Variants in KAT6B observed in about 807,000 individuals in gnomAD.
KAT6B encodes histone acetyltransferase KAT6B.
A neutral mutation model predicts 187.5 loss-of-function variants in KAT6B; 10 were observed. The observed-to-expected ratio is 0.05, with a 90% CI of 0.03 to 0.09. The LOEUF (loss-of-function observed/expected upper bound fraction) is 0.09, where lower values mean the gene tolerates loss of function less well. Ranked by LOEUF, KAT6B falls within the 10% of genes least tolerant of loss-of-function variation. The probability of loss-of-function intolerance (pLI) is 1.00; values close to 1 mark genes in which losing one functional copy is unlikely to be tolerated. For missense variants in KAT6B, 1,952 were observed against 2,558.9 expected, an observed-to-expected ratio of 0.76 and a Z score of 5.12; for synonymous variants, 861 against 926.8, an observed-to-expected ratio of 0.93 and a Z score of 1.29.
At chr10:74,830,370 A>G (rs1589428698) in intron 1 of KAT6B, among the ~76,000 whole-genome samples, 1 of 152,094 alleles carries the variant, frequency 6.6e-6, no homozygotes, top group Non-Finnish European at 1.5e-5. Flanking sequence ...TCTGGTGCCC[A>G]TGTGCACAAG....
chr10:74,942,666 G>A (rs769204868), intron 3 of KAT6B, among the ~76,000 whole-genome samples: 5 of 145,534 alleles, frequency 3.4e-5, no homozygotes, highest in Admixed American at 7.1e-5. Context: ...TCGGGAGGCC[G>A]ATTCAGGAGA....
At chr10:74,953,437 C>T (rs557174991) in intron 3 of KAT6B, among the ~76,000 whole-genome samples, 17 of 152,132 alleles carry the variant, frequency 1.1e-4, no homozygotes, top group Non-Finnish European at 1.8e-4. Context: ...CTTTAACAAC[C>T]CGAGAGCTAG....
At chr10:74,950,911 G>A (rs1002175646) in intron 3 of KAT6B, among the ~76,000 whole-genome samples, 28 of 151,900 alleles carry the variant, frequency 1.8e-4, no homozygotes, top group Non-Finnish European at 3.1e-4. Flanking sequence ...CCAGGCGTTC[G>A]AGATCAGCCT....
intron 4 of KAT6B, among the ~76,000 whole-genome samples, chr10:74,963,862 G>A (rs140539308): frequency 0.011 from 1,733 of 152,142 alleles, 39 homozygotes; most frequent in African/African-American, 0.04. Context: ...TGTGGCTCAC[G>A]CCTGTAGTCC....
At chr10:74,851,811 T>C (rs1463484358) in intron 3 of KAT6B, among the ~76,000 whole-genome samples, 1 of 152,216 alleles carries the variant, frequency 6.6e-6, no homozygotes, top group Non-Finnish European at 1.5e-5. Context: ...TTTCTACAAA[T>C]AGAAGATAAA....
chr10:74,976,382 C>T (rs1482675309), intron 8 of KAT6B, 52 bp downstream of exon 8: 14 of 1,470,212 alleles, frequency 9.5e-6, no homozygotes, highest in Non-Finnish European at 1.3e-5. Flanking sequence ...CCCTTTCTCC[C>T]CAACCCTGAA....
At chr10:74,863,055 G>T (rs1465995725) in intron 3 of KAT6B, among the ~76,000 whole-genome samples, 2 of 152,182 alleles carry the variant, frequency 1.3e-5, no homozygotes, top group Non-Finnish European at 2.9e-5. Flanking sequence ...CAGAAAAGGA[G>T]TCTATTATTT....
At chr10:74,953,345 T>A (rs1840449180) in intron 3 of KAT6B, among the ~76,000 whole-genome samples, 1 of 152,208 alleles carries the variant, frequency 6.6e-6, no homozygotes, top group Non-Finnish European at 1.5e-5. Context: ...TATAGCCAAA[T>A]AAAATTTTGC....
chr10:74,844,364 A>G (rs1841956997), intron 3 of KAT6B, among the ~76,000 whole-genome samples: 1 of 152,072 alleles, frequency 6.6e-6, no homozygotes, highest in Non-Finnish European at 1.5e-5. Flanking sequence ...ATGCCCAGCT[A>G]ATTTTTGTAT....
In KAT6B at chr10:75,030,474, C is replaced by T. The variant is rs761472261; in HGVS notation, c.5650C>T (p.Leu1884=). The T allele has an allele frequency of 3.7e-6, 6 of 1,613,172 alleles. No individual in the cohort carries two copies. The highest frequency in any genetic ancestry group is 1.7e-5 in the Admixed American group (1 of 60,022). ...AGCTACCATGACCCCACCCCCCAAC[C>T]TGACTCCTCCTCCAATGAATCTGCC... The part of the protein sequence containing the change: ...AQATMTPPPN[L]TPPPMNLPPP... Residue 1884 remains leucine, a synonymous_variant, in exon 18 of 18, where the codon CTG becomes TTG. Transcript: ENST00000287239. The surrounding 1 kb of genome is among the most constrained non-coding windows in gnomAD (Gnocchi z 4.8).
intron 15 of KAT6B, 21 bp downstream of exon 15, chr10:75,021,306 C>T (rs759832759): frequency 9.3e-6 from 15 of 1,612,388 alleles, no homozygotes; most frequent in Non-Finnish European, 1.1e-5. Flanking sequence ...TCTTTATCAT[C>T]CTAAGTTGTG....
At chr10:74,877,810 T>C (rs777652693) in intron 3 of KAT6B, among the ~76,000 whole-genome samples, 26 of 152,080 alleles carry the variant, frequency 1.7e-4, no homozygotes, top group Non-Finnish European at 3.7e-4. Context: ...CTCTCTGAAT[T>C]TAGGAGTAAT....
intron 3 of KAT6B, among the ~76,000 whole-genome samples, chr10:74,919,036 A>G (rs1302999935): frequency 6.6e-6 from 1 of 151,876 alleles, no homozygotes; most frequent in Non-Finnish European, 1.5e-5. Context: ...TGGACAACAT[A>G]GCAAAACCCC....
At chr10:74,971,220 A>AT (rs1284510998) in intron 6 of KAT6B, among the ~76,000 whole-genome samples, 2 of 152,132 alleles carry the variant, frequency 1.3e-5, no homozygotes, top group Non-Finnish European at 2.9e-5. Context: ...AATGTTTCCA[A>AT]TTTTTTCCAT....
Position 74,976,139 on chromosome 10 carries a change from C to T in KAT6B, c.1802C>T (p.Ser601Phe), listed in dbSNP as rs771328449. 1.9e-6 allele frequency: 3 copies of T among 1,614,016 alleles called. No homozygotes were observed. The highest frequency in any genetic ancestry group is 2.2e-5 in the East Asian group (1 of 44,888). The change falls in exon 8 of 18, where the codon TCC becomes TTC. Residue 601 changes from serine to phenylalanine, a missense_variant. Coordinates refer to ENST00000287239, the MANE Select transcript of KAT6B (RefSeq NM_012330.4). ...RDIRSRFISH[S>F]SSSSWGMARG... is the part of the protein sequence containing the mutation. ...ATTAGAAGTCGGTTTATTTCTCACTCCTCCTCCTCTAGCTGGGGGATGGCT... is the reference window on the plus strand; with the variant it reads ...ATTAGAAGTCGGTTTATTTCTCACTTCTCCTCCTCTAGCTGGGGGATGGCT...
At chr10:74,907,342 G>A (rs1846844323) in intron 3 of KAT6B, among the ~76,000 whole-genome samples, 1 of 152,142 alleles carries the variant, frequency 6.6e-6, no homozygotes, top group Non-Finnish European at 1.5e-5. Flanking sequence ...GGGTGTTACT[G>A]TGTTCCTTCT....
intron 13 of KAT6B, among the ~76,000 whole-genome samples, chr10:74,998,020 G>A (rs919359617): frequency 6.6e-6 from 1 of 152,224 alleles, no homozygotes; most frequent in African/African-American, 2.4e-5. Context: ...GCTAAGGCAG[G>A]AGAATCACTT....
chr10:74,884,682 C>T (rs1169428545), intron 3 of KAT6B, among the ~76,000 whole-genome samples: 1 of 152,074 alleles, frequency 6.6e-6, no homozygotes, highest in Non-Finnish European at 1.5e-5. Context: ...GATTCTTCTG[C>T]CTCAGCCTCC....
intron 13 of KAT6B, among the ~76,000 whole-genome samples, chr10:74,992,587 A>C (rs1306567443): frequency 6.6e-6 from 1 of 152,190 alleles, no homozygotes; most frequent in African/African-American, 2.4e-5. Flanking sequence ...ATCATACCAT[A>C]GTAAAGTTGA....
Sources: gnomAD v4.1 joint callset for allele counts (sites outside exome capture counted in the v4.1 genomes callset) on GRCh38, gnomAD v4.1.1 for gene constraint, Gnocchi (gnomAD v3.1) non-coding constraint, MANE v1.5 for transcripts, NCBI Gene and HGNC (gene_info 2026-07-23, HGNC 2026-07-21) for gene names.